The following SLC20A2 variants were observed in gnomAD, a reference collection of about 807,000 sequenced individuals.
The protein encoded by SLC20A2 is solute carrier family 20 member 2.
In SLC20A2, 30 loss-of-function variants were observed where a neutral mutation model predicts 61.0. That is an observed-to-expected ratio of 0.49 (90% CI 0.37 to 0.67). SLC20A2 has a LOEUF of 0.67. SLC20A2 is among the 30% of genes least tolerant of loss of function. SLC20A2 has a pLI of 0.00. For synonymous variants in SLC20A2, 351 were observed against 353.3 expected, an observed-to-expected ratio of 0.99 and a Z score of 0.07; for missense variants, 626 against 866.4, an observed-to-expected ratio of 0.72 and a Z score of 3.48.
At chr8:42,421,366 CTT>C (rs1313621294) in intron 10 of SLC20A2, among the ~76,000 whole-genome samples, 1 of 152,098 alleles carries the variant, frequency 6.6e-6, no homozygotes. Context: ...TCTGAGATAA[CTT>C]TTATTTTTGC....
At chr8:42,460,695 A>G (rs1806627949) in intron 4 of SLC20A2, among the ~76,000 whole-genome samples, 1 of 152,352 alleles carries the variant, frequency 6.6e-6, no homozygotes, top group Non-Finnish European at 1.5e-5. Flanking sequence ...GTTCAACACG[A>G]ATGGTACTGC....
intron 1 of SLC20A2, among the ~76,000 whole-genome samples, chr8:42,475,122 C>CT (rs77258375): frequency 0.3 from 46,022 of 151,490 alleles, 8,014 homozygotes; most frequent in Admixed American, 0.48. Context: ...TTGGCTTTTC[C>CT]TTTTTTTTGC....
chr8:42,460,177 C>A, intron 4 of SLC20A2, 185 bp from the exon 5 acceptor site: 1 of 507,502 alleles, frequency 2.0e-6, no homozygotes. Flanking sequence ...TTGGCTGGGG[C>A]CATCTCTCCC....
chr8:42,530,163 T>A (rs1812231829), intron 1 of SLC20A2, among the ~76,000 whole-genome samples: 1 of 152,054 alleles, frequency 6.6e-6, no homozygotes, highest in Non-Finnish European at 1.5e-5. Flanking sequence ...ACCTAATTTA[T>A]CAGATGGTAT....
At position 42,525,877 on chromosome 8, in the gene SLC20A2, T is replaced by C. The variant is rs147966638; in HGVS notation, c.-265+15944A>G. Reference sequence around the variant, plus strand: ...CTCCCAACGACAAAAGCTAGAACAATCTGAGCAATAAATAAAGTAGCATTG... The same window carrying C: ...CTCCCAACGACAAAAGCTAGAACAACCTGAGCAATAAATAAAGTAGCATTG... On this transcript the variant is annotated intron_variant, in intron 1 of 10. Transcript: ENST00000342228. Among the ~76,000 whole-genome samples the C allele has an allele frequency of 1.6e-3, 250 of 152,262 alleles. 1 individual carries two copies. The highest frequency in any genetic ancestry group is 5.8e-3 in the African/African-American group (239 of 41,564).
At chr8:42,438,616 T>G (rs1404106472) in intron 7 of SLC20A2, among the ~76,000 whole-genome samples, 1 of 152,192 alleles carries the variant, frequency 6.6e-6, no homozygotes, top group Non-Finnish European at 1.5e-5. Flanking sequence ...CTTGCAGAGG[T>G]GGCAGTCACC....
chr8:42,533,847 CG>C (rs968650282), intron 1 of SLC20A2, among the ~76,000 whole-genome samples: 1 of 150,594 alleles, frequency 6.6e-6, no homozygotes. Context: ...CTAGTGGAGA[CG>C]GGGGTTTCAC....
rs767564637 is a variant in SLC20A2, at chr8:42,465,931, G to A, written c.290-14C>T. The stretch of plus-strand genomic sequence containing the variant: ...ACACAGCGGAACCTACAGATTGAAG[G>A]ACAAAAAACCATCAGATACAGAGTA... On this transcript the variant is annotated splice_polypyrimidine_tract_variant and intron_variant, in intron 2 of 10. Coordinates refer to ENST00000520262, the MANE Select transcript of SLC20A2 (RefSeq NM_001257180.2). 2 of 1,601,908 alleles carry A rather than the reference G, an allele frequency of 1.2e-6. No individual in the cohort carries two copies. The highest frequency in any genetic ancestry group is 1.4e-5 in the African/African-American group (1 of 73,932).
At chr8:42,434,289 GT>G (rs1156490389) in intron 8 of SLC20A2, among the ~76,000 whole-genome samples, 2 of 152,198 alleles carry the variant, frequency 1.3e-5, no homozygotes, top group African/African-American at 4.8e-5. Context: ...GTTTCACCAT[GT>G]TGTCCAGGCT....
intron 1 of SLC20A2, among the ~76,000 whole-genome samples, chr8:42,497,721 T>G (rs959445999): frequency 6.6e-6 from 1 of 151,994 alleles, no homozygotes; most frequent in African/African-American, 2.4e-5. Flanking sequence ...TTGGTTTTTT[T>G]TTTTTTTTTG....
chr8:42,441,746 C>T lies in SLC20A2; in HGVS notation c.731-2093G>A, dbSNP rs547632325. Among the ~76,000 whole-genome samples the T allele has an allele frequency of 9.3e-4, 142 of 151,962 alleles. 4 individuals carry two copies. Among genetic ancestry groups the T allele is most frequent in the African/African-American group, 1.9e-3 (79 of 41,268 alleles). ...CCTCCCAAACTGCTGGGATTATAGTCGTGTGCCACTGCGCCTGGCCTATTT... is the reference window on the plus strand; with the variant it reads ...CCTCCCAAACTGCTGGGATTATAGTTGTGTGCCACTGCGCCTGGCCTATTT... On this transcript the variant is annotated intron_variant, in intron 6 of 10. Coordinates refer to ENST00000520262, the MANE Select transcript of SLC20A2 (RefSeq NM_001257180.2).
At chr8:42,470,404 A>G (rs939256002) in intron 2 of SLC20A2, among the ~76,000 whole-genome samples, 2 of 151,740 alleles carry the variant, frequency 1.3e-5, no homozygotes, top group Admixed American at 6.6e-5. Context: ...TTTTTTGTAC[A>G]GACAGGGTCT....
At chr8:42,477,135 G>A (rs564829756) in intron 1 of SLC20A2, among the ~76,000 whole-genome samples, 1 of 152,208 alleles carries the variant, frequency 6.6e-6, no homozygotes, top group Non-Finnish European at 1.5e-5. Flanking sequence ...ACCTCAACAC[G>A]CTTTTTGAAT....
intron 1 of SLC20A2, among the ~76,000 whole-genome samples, chr8:42,524,270 T>C (rs979688736): frequency 6.6e-6 from 1 of 152,178 alleles, no homozygotes; most frequent in African/African-American, 2.4e-5. Flanking sequence ...TTGAAAAAAG[T>C]TTTTTCCTTT....
rs746457953 is a variant in SLC20A2, at chr8:42,463,100, TA to T, written c.431-11del. On this transcript the variant is annotated splice_polypyrimidine_tract_variant and intron_variant, in intron 3 of 10. Coordinates refer to ENST00000520262, the MANE Select transcript of SLC20A2 (RefSeq NM_001257180.2). ...ATAAACCAAGAAGCAACTGAATAAT[TA>T]AAAAAAAAATCTAATGAATGTTAAA... The T allele has an allele frequency of 2.6e-3, 3,665 of 1,422,524 alleles. 1 individual carries two copies. The highest frequency in any genetic ancestry group is 5.3e-3 in the Middle Eastern group (29 of 5,504). The allele number at this position is 1,422,524 out of a possible 1,614,324, so 88.1% of individuals were successfully genotyped here.
rs1554551091 is a variant in SLC20A2, at chr8:42,443,308, T to TAA, written c.730+1336_730+1337dup. On this transcript the variant is annotated intron_variant, in intron 6 of 10. Coordinates refer to ENST00000520262, the MANE Select transcript of SLC20A2 (RefSeq NM_001257180.2). ...ATATATATATATATATATATATATATAATAAAATGTATACTTTTTTTTTTG... is the reference window on the plus strand; with the variant it reads ...ATATATATATATATATATATATATATAAAATAAAATGTATACTTTTTTTTTTG... Among the ~76,000 whole-genome samples, 22 of 117,750 alleles carry TAA rather than the reference T, an allele frequency of 1.9e-4. No individual in the cohort carries two copies. In the East Asian group the frequency reaches 4.4e-3, roughly 23 times the overall value. The allele number at this position is 117,750 out of a possible 152,430, so 77.2% of individuals were successfully genotyped here.
chr8:42,446,452 C>G (rs1355268547), intron 5 of SLC20A2, among the ~76,000 whole-genome samples: 1 of 152,146 alleles, frequency 6.6e-6, no homozygotes, highest in African/African-American at 2.4e-5. Context: ...AGAATACTCA[C>G]CACAGCATTA....
At chr8:42,455,257 T>TATAGAGAGAG (rs1357416749) in intron 5 of SLC20A2, among the ~76,000 whole-genome samples, 3 of 81,624 alleles carry the variant, frequency 3.7e-5, no homozygotes, top group South Asian at 4.1e-4. Context: ...TATATATATA[T>TATAGAGAGAG]AGAGAGAGAG....
intron 1 of SLC20A2, among the ~76,000 whole-genome samples, chr8:42,490,981 G>A (rs1234705569): frequency 1.3e-5 from 2 of 152,060 alleles, no homozygotes; most frequent in Admixed American, 1.3e-4. Flanking sequence ...TTAGTCTTCA[G>A]AGTAAAGATA....
Sources: allele counts gnomAD v4.1 joint callset (sites outside exome capture counted in the v4.1 genomes callset), GRCh38; gene constraint gnomAD v4.1.1; transcripts MANE v1.5; gene names NCBI Gene and HGNC (gene_info 2026-07-23, HGNC 2026-07-21).